MAST4: variants seen among roughly 807,000 people sequenced by gnomAD.
The protein encoded by MAST4 is microtubule-associated serine/threonine-protein kinase 4.
Under a neutral mutation model 162.7 loss-of-function variants are expected in MAST4, and 89 were observed. That is an observed-to-expected ratio of 0.55 (90% CI 0.46 to 0.65). MAST4 has a LOEUF of 0.65. Ranked by LOEUF, MAST4 falls within the 30% of genes least tolerant of loss-of-function variation. The probability of loss-of-function intolerance (pLI) is 0.00; values close to 1 mark genes in which losing one functional copy is unlikely to be tolerated. For synonymous variants in MAST4, 1,479 were observed against 1,361.1 expected (o/e 1.09, Z -1.91); for missense variants, 3,153 against 3,374.0 (o/e 0.93, Z 1.62).
intron 4 of MAST4, among the ~76,000 whole-genome samples, chr5:66,956,404 ACTGATGATCATGGCTTAGATTCC>A (rs541098385): frequency 3.3e-5 from 5 of 152,290 alleles, no homozygotes; most frequent in African/African-American, 1.2e-4. Context: ...GTCAGCAGTC[ACTGATGATCATGGCTTAGATTCC>A]CTGGGGTTCT....
In MAST4 at chr5:67,013,038, C is replaced by A. The variant is rs549389073; in HGVS notation, c.675-41366C>A. On this transcript the variant is annotated intron_variant, in intron 4 of 28. Coordinates refer to ENST00000403625, the MANE Select transcript of MAST4 (RefSeq NM_001164664.2). ...ATCTCTTATCTGAAGCACCCCATTGCTTACTTTATTATAGAATCCTGGGAA... is the reference window on the plus strand; with the variant it reads ...ATCTCTTATCTGAAGCACCCCATTGATTACTTTATTATAGAATCCTGGGAA... Among the ~76,000 whole-genome samples, 8 of 152,298 alleles carry A rather than the reference C, an allele frequency of 5.3e-5. 1 individual carries two copies. In the South Asian group the frequency reaches 1.7e-3, roughly 32 times the overall value.
chr5:66,848,542 T>C (rs1338121852), intron 3 of MAST4, among the ~76,000 whole-genome samples: 1 of 152,202 alleles, frequency 6.6e-6, no homozygotes, highest in Non-Finnish European at 1.5e-5. Context: ...CTAAATGATT[T>C]GACAGTGATA....
At chr5:66,695,158 CA>C (rs1749317363) in intron 1 of MAST4, among the ~76,000 whole-genome samples, 1 of 152,096 alleles carries the variant, frequency 6.6e-6, no homozygotes, top group Non-Finnish European at 1.5e-5. Flanking sequence ...TTGCATTTTA[CA>C]TTTAAGTCTG....
At position 67,054,469 on chromosome 5, in the gene MAST4, A is replaced by G. The variant is rs553892024; in HGVS notation, c.740A>G (p.His247Arg). ...NGQSPALPRP[H>R]SPLSAHAGNS... is the part of the protein sequence containing the mutation. Reference sequence around the variant, plus strand: ...CAGTCACCAGCATTGCCTCGACCACACTCACCTCTCTCTGCTCATGCAGGT... The same window carrying G: ...CAGTCACCAGCATTGCCTCGACCACGCTCACCTCTCTCTGCTCATGCAGGT... The change falls in exon 5 of 29, where the codon CAC (histidine) becomes CGC (arginine). Residue 247 changes from histidine (H) to arginine (R), a missense_variant. His to Arg is a conservative substitution (Grantham distance 29). Coordinates refer to ENST00000403625, the MANE Select transcript of MAST4 (RefSeq NM_001164664.2). 5 of 1,609,882 alleles carry G rather than the reference A, an allele frequency of 3.1e-6. No homozygotes were observed. The highest frequency in any genetic ancestry group is 4.5e-5 in the East Asian group (2 of 44,644).
intron 3 of MAST4, among the ~76,000 whole-genome samples, chr5:66,896,938 A>G (rs1762719588): frequency 6.6e-6 from 1 of 152,204 alleles, no homozygotes; most frequent in Admixed American, 6.5e-5. Context: ...ATTTTATTTA[A>G]TCTTTATCTT....
At chr5:66,961,969 T>C (rs1561482904) in intron 4 of MAST4, among the ~76,000 whole-genome samples, 1 of 152,252 alleles carries the variant, frequency 6.6e-6, no homozygotes, top group Non-Finnish European at 1.5e-5. Flanking sequence ...TATAAAACTT[T>C]ACTCTGTTGA....
intron 1 of MAST4, among the ~76,000 whole-genome samples, chr5:66,726,838 A>G (rs924149784): frequency 2.0e-5 from 3 of 152,026 alleles, no homozygotes; most frequent in Non-Finnish European, 1.5e-5. Flanking sequence ...TGAGAATCTA[A>G]TCCTGCCCCT....
At chr5:66,692,148 C>G (rs1325114013) in intron 1 of MAST4, among the ~76,000 whole-genome samples, 2 of 152,176 alleles carry the variant, frequency 1.3e-5, no homozygotes, top group African/African-American at 2.4e-5. Context: ...CTCTCTCACA[C>G]TCTCACTCAT....
At chr5:66,944,752 C>G (rs1743784773) in intron 4 of MAST4, among the ~76,000 whole-genome samples, 1 of 152,100 alleles carries the variant, frequency 6.6e-6, no homozygotes, top group African/African-American at 2.4e-5. Flanking sequence ...GAAGCCTAGA[C>G]AGGGCTCAGC....
At chr5:66,864,027 G>A (rs1406436554) in intron 3 of MAST4, among the ~76,000 whole-genome samples, 1 of 152,184 alleles carries the variant, frequency 6.6e-6, no homozygotes, top group Non-Finnish European at 1.5e-5. Context: ...GGGTAACTAT[G>A]CATCCCACAC....
chr5:66,955,578 T>C lies in MAST4; in HGVS notation c.674+55596T>C, dbSNP rs2150142671. Among the ~76,000 whole-genome samples, 3 of 152,290 alleles carry C rather than the reference T, an allele frequency of 2.0e-5. No individual in the cohort carries two copies. In the Middle Eastern group the frequency reaches 0.01, roughly 518 times the overall value. On this transcript the variant is annotated intron_variant, in intron 4 of 28. Transcript: ENST00000403625. ...ACCCCTTATTTGCCTATTACCCAAG[T>C]TTAATAAATAGTAACCAAAGCCACT...
intron 1 of MAST4, among the ~76,000 whole-genome samples, chr5:66,618,483 A>G (rs1450320137): frequency 2.0e-5 from 3 of 152,202 alleles, no homozygotes; most frequent in Non-Finnish European, 4.4e-5. Flanking sequence ...AACATGTAGA[A>G]GACTCTAGAT....
At chr5:67,136,870 T>C (rs1305663241) in intron 19 of MAST4, among the ~76,000 whole-genome samples, 1 of 152,194 alleles carries the variant, frequency 6.6e-6, no homozygotes, top group Non-Finnish European at 1.5e-5. Flanking sequence ...GGTTGGTTGT[T>C]TGTCTTTGTT....
chr5:67,095,522 A>C, intron 6 of MAST4, 75 bp from the exon 7 acceptor site: 1 of 1,138,726 alleles, frequency 8.8e-7, no homozygotes, highest in Non-Finnish European at 1.3e-6. Flanking sequence ...TTTGACTAAA[A>C]ATACTTAGTT....
intron 4 of MAST4, among the ~76,000 whole-genome samples, chr5:66,947,680 G>A (rs551587753): frequency 1.2e-4 from 19 of 152,154 alleles, no homozygotes; most frequent in African/African-American, 3.6e-4. Context: ...GCATTTCCCC[G>A]TGGCAGGAGA....
At chr5:66,719,259 A>C (rs1348743768) in intron 1 of MAST4, among the ~76,000 whole-genome samples, 2 of 152,244 alleles carry the variant, frequency 1.3e-5, no homozygotes, top group Non-Finnish European at 2.9e-5. Flanking sequence ...AATGAGTTGT[A>C]AGAAAAGATA....
At chr5:67,130,460 C>T in intron 15 of MAST4, 42 bp downstream of exon 15, 1 of 1,594,472 alleles carries the variant, frequency 6.3e-7, no homozygotes, top group Non-Finnish European at 8.6e-7. Context: ...CCAGGAATCC[C>T]TTGCTCATTT....
Position 67,167,034 on chromosome 5 carries a change from C to T in MAST4, c.7855C>T (p.His2619Tyr), listed in dbSNP as rs772425620. 1.7e-5 allele frequency: 27 copies of T among 1,587,718 alleles called. No homozygotes were observed. Among genetic ancestry groups the T allele is most frequent in the Non-Finnish European group, 2.3e-5 (27 of 1,166,968 alleles). ...GAAAGAGAGTTTGCGTAGCAGCCCT[C>T]ACAAAAAGGCCTTGTAACGGGGAGG... ...RGKESLRSSP[H>Y]KKAL The change falls in exon 29 of 29, where the codon CAC (histidine) becomes TAC (tyrosine). Residue 2619 changes from histidine to tyrosine, a missense_variant. Coordinates refer to ENST00000403625, the MANE Select transcript of MAST4 (RefSeq NM_001164664.2).
chr5:66,963,231 T>A (rs764023078), intron 4 of MAST4, among the ~76,000 whole-genome samples: 2 of 152,216 alleles, frequency 1.3e-5, no homozygotes, highest in Non-Finnish European at 2.9e-5. Context: ...AGATAAAATA[T>A]TGGGTCTTTG....
Sources: gnomAD v4.1 joint callset for allele counts (sites outside exome capture counted in the v4.1 genomes callset) on GRCh38, gnomAD v4.1.1 for gene constraint, MANE v1.5 for transcripts, NCBI Gene and HGNC (gene_info 2026-07-23, HGNC 2026-07-21) for gene names.